Variants in MAGI3 observed in about 807,000 individuals in gnomAD.
The protein encoded by MAGI3 is membrane associated guanylate kinase, WW and PDZ domain containing 3.
Under a neutral mutation model 121.8 loss-of-function variants are expected in MAGI3, and 43 were observed. The observed-to-expected ratio is 0.35, with a 90% CI of 0.28 to 0.46. The LOEUF (loss-of-function observed/expected upper bound fraction) is 0.46. Ranked by LOEUF, MAGI3 falls within the 20% of genes least tolerant of loss-of-function variation. MAGI3 has a pLI of 1.00. For synonymous variants in MAGI3, 553 were observed against 639.3 expected, an observed-to-expected ratio of 0.86 and a Z score of 2.04; for missense variants, 1,547 against 1,797.3, an observed-to-expected ratio of 0.86 and a Z score of 2.52.
intron 1 of MAGI3, among the ~76,000 whole-genome samples, chr1:113,430,328 G>A (rs1194749701): frequency 6.6e-6 from 1 of 152,120 alleles, no homozygotes; most frequent in African/African-American, 2.4e-5. Flanking sequence ...ATAAATGGAA[G>A]CATTATACTT....
chr1:113,528,502 A>C (rs1658556830), intron 1 of MAGI3, among the ~76,000 whole-genome samples: 1 of 152,128 alleles, frequency 6.6e-6, no homozygotes, highest in African/African-American at 2.4e-5. Flanking sequence ...TAAACTTCAT[A>C]TTGTATTGCA....
chr1:113,591,271 T>C (rs1008070456), intron 5 of MAGI3, among the ~76,000 whole-genome samples: 3 of 152,128 alleles, frequency 2.0e-5, no homozygotes, highest in African/African-American at 7.2e-5. Context: ...GAGAATAATA[T>C]TATGCAAATA....
chr1:113,505,985 A>G (rs894198684), intron 1 of MAGI3, among the ~76,000 whole-genome samples: 3 of 151,628 alleles, frequency 2.0e-5, no homozygotes, highest in African/African-American at 7.2e-5. Context: ...GAAGATTATG[A>G]CATTGGAGGC....
rs1390269433 is a variant in MAGI3, at chr1:113,641,021, TAA to T, written c.1361-889_1361-888del. Among the ~76,000 whole-genome samples, 6 of 25,828 alleles carry T rather than the reference TAA, an allele frequency of 2.3e-4. 1 individual carries two copies. The highest frequency in any genetic ancestry group is 5.5e-4 in the Non-Finnish European group (6 of 10,874). The allele number at this position is 25,828 out of a possible 152,430, so 16.9% of individuals were successfully genotyped here. A position where few individuals can be genotyped will look rare whatever the true frequency, so the allele number is the denominator to read the frequency against. Reference sequence around the variant, plus strand: ...TGATATATATAATATATATGATATATAATATATATGATATATATAATATATAT... The same window carrying T: ...TGATATATATAATATATATGATATATTATATATGATATATATAATATATAT... On this transcript the variant is annotated intron_variant, in intron 9 of 20. Transcript: ENST00000307546.
chr1:113,679,864 C>A (rs1452023336), intron 19 of MAGI3, among the ~76,000 whole-genome samples: 3 of 152,104 alleles, frequency 2.0e-5, no homozygotes, highest in Non-Finnish European at 4.4e-5. Flanking sequence ...CGCCACCACA[C>A]CTGGCCAATT....
intron 20 of MAGI3, chr1:113,682,411 T>C: frequency 7.1e-7 from 1 of 1,415,846 alleles, no homozygotes. Flanking sequence ...CAGTCTTCTT[T>C]TGACATTAAA....
chr1:113,435,001 G>T (rs1653494875), intron 1 of MAGI3, among the ~76,000 whole-genome samples: 1 of 151,966 alleles, frequency 6.6e-6, no homozygotes, highest in Non-Finnish European at 1.5e-5. Flanking sequence ...GATTTTTATA[G>T]TTACATATTT....
At chr1:113,497,112 C>T (rs1656954985) in intron 1 of MAGI3, among the ~76,000 whole-genome samples, 2 of 152,132 alleles carry the variant, frequency 1.3e-5, no homozygotes, top group Non-Finnish European at 2.9e-5. Flanking sequence ...CAAAAATTAG[C>T]TGGGCGTGAT....
Position 113,622,873 on chromosome 1 carries a change from GA to G in MAGI3, c.1246del (p.Ser416AlafsTer21). Reference protein sequence around the residue: ...LKGVLVRASLKKSTMGFGFTI... With the variant: ...LKGVLVRASLXKSTMGFGFTI... ...AAGGTGTCCTTGTTCGAGCATCACTGAAAAAAAGCACAATGGGATTTGGTTT... is the reference window on the plus strand; with the variant it reads ...AAGGTGTCCTTGTTCGAGCATCACTGAAAAAAGCACAATGGGATTTGGTTT... On this transcript the variant is annotated frameshift_variant, in exon 9 of 21. Transcript: ENST00000307546. LOFTEE classifies it high-confidence loss of function. 2.5e-6 allele frequency: 4 copies of G among 1,600,370 alleles called. No homozygotes were observed. The highest frequency in any genetic ancestry group is 4.6e-5 in the East Asian group (2 of 43,848).
At chr1:113,603,059 G>A (rs1649505967) in intron 6 of MAGI3, among the ~76,000 whole-genome samples, 1 of 151,814 alleles carries the variant, frequency 6.6e-6, no homozygotes, top group African/African-American at 2.4e-5. Context: ...TAGACCATTA[G>A]CTAGATTAAC....
chr1:113,410,317 A>G (rs1213576837), intron 1 of MAGI3, among the ~76,000 whole-genome samples: 1 of 152,092 alleles, frequency 6.6e-6, no homozygotes, highest in Non-Finnish European at 1.5e-5. Flanking sequence ...CCTAAATTTG[A>G]ATCCTAGGTC....
chr1:113,531,458 C>T (rs1372384969), intron 1 of MAGI3, among the ~76,000 whole-genome samples: 1 of 152,106 alleles, frequency 6.6e-6, no homozygotes, highest in African/African-American at 2.4e-5. Context: ...TTTGGTATGC[C>T]ACTGTATCCA....
At chr1:113,634,293 A>G (rs1252345686) in intron 9 of MAGI3, among the ~76,000 whole-genome samples, 1 of 151,456 alleles carries the variant, frequency 6.6e-6, no homozygotes, top group Admixed American at 6.6e-5. Flanking sequence ...TTGGTGTTTT[A>G]GACATGAAGT....
chr1:113,414,242 T>G (rs1419121791), intron 1 of MAGI3, among the ~76,000 whole-genome samples: 1 of 152,212 alleles, frequency 6.6e-6, no homozygotes, highest in Non-Finnish European at 1.5e-5. Context: ...TTGATTGTGG[T>G]GCATAAGCTT....
At chr1:113,538,783 C>T (rs950287865) in intron 1 of MAGI3, among the ~76,000 whole-genome samples, 2 of 151,972 alleles carry the variant, frequency 1.3e-5, no homozygotes, top group African/African-American at 2.4e-5. Context: ...TTAGTTTATC[C>T]GTTGACTGAG....
intron 2 of MAGI3, among the ~76,000 whole-genome samples, chr1:113,565,392 C>T (rs569759593): frequency 3.3e-5 from 5 of 152,056 alleles, no homozygotes; most frequent in South Asian, 4.1e-4. Context: ...TTGATTTTGC[C>T]GTTGAAATCT....
intron 1 of MAGI3, among the ~76,000 whole-genome samples, chr1:113,433,146 G>A (rs955918800): frequency 1.3e-5 from 2 of 152,030 alleles, no homozygotes; most frequent in African/African-American, 4.8e-5. Flanking sequence ...CTCTATTAAT[G>A]GCCATTTGTG....
chr1:113,584,807 C>T (rs1201883258), intron 3 of MAGI3, among the ~76,000 whole-genome samples: 1 of 152,080 alleles, frequency 6.6e-6, no homozygotes, highest in Admixed American at 6.5e-5. Flanking sequence ...TACTTACATA[C>T]AGTCAACTTC....
At chr1:113,426,270 T>C (rs556234047) in intron 1 of MAGI3, among the ~76,000 whole-genome samples, 1 of 152,360 alleles carries the variant, frequency 6.6e-6, no homozygotes, top group South Asian at 2.1e-4. Flanking sequence ...ACACAATCTA[T>C]GATTTCAATT....
Sources: gnomAD v4.1 joint callset for allele counts (sites outside exome capture counted in the v4.1 genomes callset) on GRCh38, gnomAD v4.1.1 for gene constraint, MANE v1.5 for transcripts, NCBI Gene and HGNC (gene_info 2026-07-23, HGNC 2026-07-21) for gene names.